The following PTPRD variants were observed in gnomAD, a reference collection of about 807,000 sequenced individuals.
PTPRD encodes the protein protein tyrosine phosphatase receptor type D, also known as receptor-type tyrosine-protein phosphatase delta.
A neutral mutation model predicts 214.5 loss-of-function variants in PTPRD; 34 were observed. The ratio of observed to expected loss-of-function variants is 0.16; its 90% CI spans 0.12 to 0.21. PTPRD has a LOEUF of 0.21. Ranked by LOEUF, PTPRD falls within the 10% of genes least tolerant of loss-of-function variation. PTPRD has a pLI of 1.00. For missense variants in PTPRD, 2,545 were observed against 2,398.7 expected (o/e 1.06, Z -1.27); for synonymous variants, 1,128 against 845.7 (o/e 1.33, Z -5.79).
At chr9:8,826,126 A>G (rs371341540) in intron 11 of PTPRD, among the ~76,000 whole-genome samples, 14 of 151,920 alleles carry the variant, frequency 9.2e-5, no homozygotes, top group African/African-American at 2.9e-4. Flanking sequence ...TCTGTCCTCA[A>G]TTTCTTCCCA....
At chr9:10,322,673 A>T (rs772427321) in intron 3 of PTPRD, among the ~76,000 whole-genome samples, 3 of 152,126 alleles carry the variant, frequency 2.0e-5, no homozygotes, top group Non-Finnish European at 4.4e-5. Context: ...ATTCAAAAAG[A>T]GGGGAGATGG....
chr9:9,365,138 T>C (rs10115809), intron 9 of PTPRD, among the ~76,000 whole-genome samples: 2,118 of 151,590 alleles, frequency 0.014, 52 homozygotes, highest in African/African-American at 0.048. Context: ...GGTTAAATAC[T>C]ATCAGCAGAG....
At chr9:8,685,744 C>T (rs1340772225) in intron 12 of PTPRD, among the ~76,000 whole-genome samples, 3 of 152,054 alleles carry the variant, frequency 2.0e-5, no homozygotes, top group Admixed American at 6.6e-5. Context: ...AGGTACAGGC[C>T]GATATTAATA....
chr9:9,681,231 T>C lies in PTPRD; in HGVS notation c.-287+53302A>G, dbSNP rs1420517457. 6.6e-5 allele frequency among the ~76,000 whole-genome samples: 10 copies of C among 151,816 alleles called. No homozygotes were observed. The Admixed American group carries it at 6.6e-4, about 10-fold the overall frequency. ...TATCTTACACTGAAACATAATGTTCTTCCTGAAGTGTAAGTGTAGGGTGCG... is the reference window on the plus strand; with the variant it reads ...TATCTTACACTGAAACATAATGTTCCTCCTGAAGTGTAAGTGTAGGGTGCG... On this transcript the variant is annotated intron_variant, in intron 7 of 45. Transcript: ENST00000381196.
At chr9:9,022,912 A>T (rs1274089656) in intron 10 of PTPRD, among the ~76,000 whole-genome samples, 1 of 152,166 alleles carries the variant, frequency 6.6e-6, no homozygotes, top group African/African-American at 2.4e-5. Context: ...GAAGGAAAAT[A>T]AAATGTAGAA....
intron 27 of PTPRD, among the ~76,000 whole-genome samples, chr9:8,486,754 G>T (rs902896365): frequency 5.3e-5 from 8 of 152,212 alleles, no homozygotes; most frequent in Admixed American, 1.3e-4. Context: ...CAATGTACCG[G>T]CGTCACGCTA....
intron 5 of PTPRD, among the ~76,000 whole-genome samples, chr9:9,892,859 T>G (rs890394548): frequency 2.6e-5 from 4 of 152,004 alleles, no homozygotes; most frequent in Non-Finnish European, 5.9e-5. Context: ...GTACTGGTTA[T>G]AGTACATAAG....
chr9:8,698,346 C>T (rs114257521), intron 12 of PTPRD, among the ~76,000 whole-genome samples: 1,840 of 152,212 alleles, frequency 0.012, 34 homozygotes, highest in African/African-American at 0.037. Flanking sequence ...ACAGCGAAGA[C>T]GACAGTTAGT....
At chr9:9,278,685 C>T (rs1260205520) in intron 9 of PTPRD, among the ~76,000 whole-genome samples, 1 of 151,330 alleles carries the variant, frequency 6.6e-6, no homozygotes, top group Admixed American at 6.6e-5. Flanking sequence ...AAGTCCCAGA[C>T]ATTTTAGTGT....
intron 8 of PTPRD, among the ~76,000 whole-genome samples, chr9:9,510,937 A>T (rs2154243977): frequency 6.6e-6 from 1 of 151,856 alleles, no homozygotes; most frequent in South Asian, 2.1e-4. Flanking sequence ...AATTTTTCTA[A>T]TTAAAGATGG....
intron 34 of PTPRD, among the ~76,000 whole-genome samples, chr9:8,439,135 T>C (rs931488852): frequency 3.3e-5 from 5 of 152,176 alleles, no homozygotes; most frequent in Non-Finnish European, 7.3e-5. Context: ...AAATGGCAGA[T>C]GGATGTTTCA....
chr9:9,781,002 T>G (rs2098838602), intron 5 of PTPRD, among the ~76,000 whole-genome samples: 1 of 152,116 alleles, frequency 6.6e-6, no homozygotes, highest in African/African-American at 2.4e-5. Flanking sequence ...AACATAAAGA[T>G]CAGTGATGGC....
Position 10,007,970 on chromosome 9 carries a change from G to C in PTPRD, c.-472+25748C>G, listed in dbSNP as rs139970597. ...ATACTTAAGAACCATTATGTTCTTA[G>C]TTCTAGTTAACACTTATAAATCTTA... On this transcript the variant is annotated intron_variant, in intron 4 of 45. Coordinates refer to ENST00000381196, the MANE Select transcript of PTPRD (RefSeq NM_002839.4). Among the ~76,000 whole-genome samples the C allele has an allele frequency of 7.2e-3, 1,100 of 151,982 alleles. 6 individuals are homozygous for C. The highest frequency in any genetic ancestry group is 0.011 in the Non-Finnish European group (774 of 67,936).
intron 9 of PTPRD, among the ~76,000 whole-genome samples, chr9:9,381,172 C>A (rs1339150291): frequency 6.6e-6 from 1 of 151,824 alleles, no homozygotes; most frequent in East Asian, 1.9e-4. Context: ...GCACTTAGAC[C>A]ATTGTTCTTC....
chr9:8,345,429 T>C (rs1332214850), intron 39 of PTPRD, among the ~76,000 whole-genome samples: 1 of 152,060 alleles, frequency 6.6e-6, no homozygotes, highest in Non-Finnish European at 1.5e-5. Flanking sequence ...TTGCCAAATA[T>C]GGTGACTTTC....
intron 3 of PTPRD, among the ~76,000 whole-genome samples, chr9:10,092,182 T>A (rs1163741159): frequency 6.6e-6 from 1 of 151,498 alleles, no homozygotes; most frequent in Admixed American, 6.6e-5. Flanking sequence ...CATGTAAATA[T>A]TGACCTAAGA....
chr9:8,965,774 G>C (rs1463972863), intron 11 of PTPRD, among the ~76,000 whole-genome samples: 1 of 152,060 alleles, frequency 6.6e-6, no homozygotes, highest in Non-Finnish European at 1.5e-5. Flanking sequence ...CATAGCATCA[G>C]AAGTTCTAGC....
intron 5 of PTPRD, among the ~76,000 whole-genome samples, chr9:9,865,780 T>A (rs1366282636): frequency 6.6e-6 from 1 of 152,242 alleles, no homozygotes; most frequent in Non-Finnish European, 1.5e-5. Flanking sequence ...GTATTTATTA[T>A]AACATGTGAT....
chr9:10,292,079 A>C (rs1227067237), intron 3 of PTPRD, among the ~76,000 whole-genome samples: 1 of 152,060 alleles, frequency 6.6e-6, no homozygotes, highest in East Asian at 1.9e-4. Context: ...AAAAGTTCTA[A>C]GGCGTTAATC....
Sources: allele counts gnomAD v4.1 joint callset (sites outside exome capture counted in the v4.1 genomes callset), GRCh38; gene constraint gnomAD v4.1.1; transcripts MANE v1.5; gene names NCBI Gene and HGNC (gene_info 2026-07-23, HGNC 2026-07-21).